The following AFF4 variants were observed in gnomAD, a reference collection of about 807,000 sequenced individuals.
The protein encoded by AFF4 is AF4/FMR2 family member 4.
A neutral mutation model predicts 124.8 loss-of-function variants in AFF4; 13 were observed. That is an observed-to-expected ratio of 0.10 (90% CI 0.07 to 0.17). The LOEUF is 0.17. Among genes scored for constraint, AFF4 ranks in the 10% least tolerant of loss-of-function variants. AFF4 has a pLI of 1.00. For synonymous variants in AFF4, 477 were observed against 496.1 expected (o/e 0.96, Z 0.51); for missense variants, 1,092 against 1,403.8 (o/e 0.78, Z 3.55).
At chr5:132,956,201 G>A (rs1228038321) in intron 1 of AFF4, among the ~76,000 whole-genome samples, 4 of 151,998 alleles carry the variant, frequency 2.6e-5, no homozygotes, top group Non-Finnish European at 4.4e-5. Flanking sequence ...AATATTTCAG[G>A]TTTGGCAGGC....
chr5:132,949,651 C>T (rs1289132352), intron 1 of AFF4, among the ~76,000 whole-genome samples: 2 of 151,462 alleles, frequency 1.3e-5, no homozygotes, highest in Non-Finnish European at 2.9e-5. Flanking sequence ...AGATTGAGAC[C>T]ATCCTGGCTA....
At chr5:132,888,301 T>G (rs561902636) in intron 14 of AFF4, 141 bp from the exon 15 acceptor site, 5 of 665,398 alleles carry the variant, frequency 7.5e-6, no homozygotes, top group Non-Finnish European at 9.8e-6. Flanking sequence ...CAGTATTTTC[T>G]GACAAATGTT....
chr5:132,962,198 G>A (rs1762095267), intron 1 of AFF4, among the ~76,000 whole-genome samples: 1 of 152,216 alleles, frequency 6.6e-6, no homozygotes, highest in Admixed American at 6.5e-5. Flanking sequence ...TTTATGAAGT[G>A]CAGAATCAAT....
chr5:132,904,523 G>A, intron 5 of AFF4, 119 bp from the exon 6 acceptor site: 1 of 836,966 alleles, frequency 1.2e-6, no homozygotes, highest in Non-Finnish European at 1.9e-6. Flanking sequence ...AGAATGTAAT[G>A]ATCCTGTCTG....
chr5:132,915,569 T>G (rs1281238623), intron 5 of AFF4, among the ~76,000 whole-genome samples: 2 of 23,532 alleles, frequency 8.5e-5, no homozygotes, highest in Admixed American at 4.7e-4. Flanking sequence ...TTTTTTTGGG[T>G]TTTTTTTTTT....
At position 132,887,464 on chromosome 5, in the gene AFF4, C is replaced by G. The variant is rs1028650689; in HGVS notation, c.3005+57G>C. Reference sequence around the variant, plus strand: ...AAAACATTCAGAAGAGCACACACAGCACTATTTATTATAGAACTTCCTGTA... The same window carrying G: ...AAAACATTCAGAAGAGCACACACAGGACTATTTATTATAGAACTTCCTGTA... On this transcript the variant is annotated intron_variant, in intron 17 of 20. Coordinates refer to ENST00000265343, the MANE Select transcript of AFF4 (RefSeq NM_014423.4). 44 of 1,436,006 alleles carry G rather than the reference C, an allele frequency of 3.1e-5. No homozygotes were observed. The Admixed American group carries it at 7.5e-4, about 24-fold the overall frequency. The allele number at this position is 1,436,006 out of a possible 1,614,324, so 89.0% of individuals were successfully genotyped here.
At position 132,879,997 on chromosome 5, in the gene AFF4, A is replaced by G; in HGVS notation, c.*1062T>C. On this transcript the variant is annotated 3_prime_UTR_variant, in exon 21 of 21. Transcript: ENST00000265343. The stretch of plus-strand genomic sequence containing the variant: ...TAGCAAAAGCACACACCGAAGCTCC[A>G]GCCTATTTCTGTATCAGTCATTGCA... 1 of 384,914 alleles carries G rather than the reference A, an allele frequency of 2.6e-6. No individual in the cohort carries two copies. Among genetic ancestry groups the G allele is most frequent in the East Asian group, 3.7e-5 (1 of 27,368 alleles). 23.8% of individuals were successfully genotyped at this position (384,914 alleles called of 1,614,324 possible).
rs35725692 is a variant in AFF4 at position 132,954,565 on chromosome 5, T to TA, written c.-5+8693_-5+8694insT. 2.0e-5 allele frequency among the ~76,000 whole-genome samples: 3 copies of TA among 149,162 alleles called. No homozygotes were observed. The East Asian group carries it at 5.9e-4, about 29-fold the overall frequency. On this transcript the variant is annotated intron_variant, in intron 1 of 20. Coordinates refer to ENST00000265343, the MANE Select transcript of AFF4 (RefSeq NM_014423.4). ...AATGCTCTTTTTTTTTTTTTTTTTT[T>TA]GAGACGGAGTCTCGCTCTGTCGCCC...
At chr5:132,888,832 C>T (rs1416310542) in intron 14 of AFF4, among the ~76,000 whole-genome samples, 1 of 151,820 alleles carries the variant, frequency 6.6e-6, no homozygotes, top group Non-Finnish European at 1.5e-5. Context: ...TGAATAGCTG[C>T]GATTACAGGT....
chr5:132,924,112 G>A (rs1761116810), intron 5 of AFF4, among the ~76,000 whole-genome samples: 3 of 152,228 alleles, frequency 2.0e-5, no homozygotes, highest in Admixed American at 2.0e-4. Context: ...AAATCAGCCA[G>A]GCGTGGTGGT....
chr5:132,917,839 A>C (rs1760950503), intron 5 of AFF4, among the ~76,000 whole-genome samples: 1 of 147,908 alleles, frequency 6.8e-6, no homozygotes, highest in South Asian at 2.1e-4. Flanking sequence ...CAGCCTCCCA[A>C]GTAGCTTGGA....
At chr5:132,953,188 C>G (rs1478944570) in intron 1 of AFF4, among the ~76,000 whole-genome samples, 2 of 151,506 alleles carry the variant, frequency 1.3e-5, no homozygotes, top group Non-Finnish European at 2.9e-5. Flanking sequence ...ATTGTATTAT[C>G]TTTTTTTAAT....
rs189587510 is a variant in AFF4, at chr5:132,888,994, C to A, written c.2732+85G>T. On this transcript the variant is annotated intron_variant, in intron 14 of 20. Coordinates refer to ENST00000265343, the MANE Select transcript of AFF4 (RefSeq NM_014423.4). Reference sequence around the variant, plus strand: ...TACAAGCGTGAGCCACCGCGCCCGGCCAATGATAGAAATGAAAATGAGTTT... The same window carrying A: ...TACAAGCGTGAGCCACCGCGCCCGGACAATGATAGAAATGAAAATGAGTTT... 1.4e-5 allele frequency: 19 copies of A among 1,325,226 alleles called. No homozygotes were observed. The East Asian group carries it at 4.4e-4, about 31-fold the overall frequency. 82.1% of individuals were successfully genotyped at this position (1,325,226 alleles called of 1,614,324 possible).
chr5:132,922,795 A>G (rs1482360708), intron 5 of AFF4, among the ~76,000 whole-genome samples: 1 of 151,742 alleles, frequency 6.6e-6, no homozygotes, highest in Non-Finnish European at 1.5e-5. Context: ...AAAAAAAAAA[A>G]ACCAAAAACT....
rs1759883277 is a variant in AFF4, at chr5:132,878,058, A to G, written c.*3001T>C. ...CAGCTGTAGCTGTAAGTTTATCTGA[A>G]GTACTCACTGCATATAAAGTCACTT... On this transcript the variant is annotated 3_prime_UTR_variant, in exon 21 of 21. Coordinates refer to ENST00000265343, the MANE Select transcript of AFF4 (RefSeq NM_014423.4). 1 of 223,476 alleles carries G rather than the reference A, an allele frequency of 4.5e-6. No individual in the cohort carries two copies. The highest frequency in any genetic ancestry group is 8.9e-6 in the Non-Finnish European group (1 of 111,818). 13.8% of individuals were successfully genotyped at this position (223,476 alleles called of 1,614,324 possible).
intron 1 of AFF4, among the ~76,000 whole-genome samples, chr5:132,962,117 C>T (rs547142457): frequency 1.3e-5 from 2 of 152,108 alleles, no homozygotes; most frequent in African/African-American, 2.4e-5. Context: ...TTATCAAATC[C>T]CAAATTAAGA....
chr5:132,892,243 C>G lies in AFF4; in HGVS notation c.2558G>C (p.Gly853Ala). The change falls in exon 13 of 21, where the codon GGC (glycine) becomes GCC (alanine). Residue 853 changes from glycine to alanine, a missense_variant. Gly to Ala is a moderately conservative substitution (Grantham distance 60). Transcript: ENST00000265343. Reference sequence around the variant, plus strand: ...TGTGGAGGAACTGTTTTTGCTGCTGCCACTCGTCTCCTTGTTGCTGTTACT... The same window carrying G: ...TGTGGAGGAACTGTTTTTGCTGCTGGCACTCGTCTCCTTGTTGCTGTTACT... ...SSSNSNKETS[G>A]SSKNSSSTSK... is the part of the protein sequence containing the mutation. The G allele has an allele frequency of 6.2e-7, 1 of 1,614,054 alleles. No homozygotes were observed. The highest frequency in any genetic ancestry group is 8.5e-7 in the Non-Finnish European group (1 of 1,180,030).
At chr5:132,950,375 TGAGGCA>T (rs1761813347) in intron 1 of AFF4, among the ~76,000 whole-genome samples, 1 of 152,228 alleles carries the variant, frequency 6.6e-6, no homozygotes, top group Non-Finnish European at 1.5e-5. Flanking sequence ...CCTGGGAGGC[TGAGGCA>T]GGAGAATCGC....
chr5:132,954,450 C>T (rs1271561897), intron 1 of AFF4, among the ~76,000 whole-genome samples: 1 of 152,002 alleles, frequency 6.6e-6, no homozygotes, highest in African/African-American at 2.4e-5. Flanking sequence ...TTTTGGGTGC[C>T]AGCAGGAATT....
Sources: allele counts gnomAD v4.1 joint callset (sites outside exome capture counted in the v4.1 genomes callset), GRCh38; gene constraint gnomAD v4.1.1; transcripts MANE v1.5; gene names NCBI Gene and HGNC (gene_info 2026-07-23, HGNC 2026-07-21).